Variants in MINK1 observed in about 807,000 individuals in gnomAD.
MINK1 encodes misshapen-like kinase 1.
Under a neutral mutation model 178.4 loss-of-function variants are expected in MINK1, and 46 were observed. The ratio of observed to expected loss-of-function variants is 0.26; its 90% CI spans 0.20 to 0.33. The LOEUF is 0.33. MINK1 is among the 10% of genes least tolerant of loss of function. The probability of loss-of-function intolerance (pLI) is 1.00; values close to 1 mark genes in which losing one functional copy is unlikely to be tolerated. For synonymous variants in MINK1, 797 were observed against 709.7 expected, an observed-to-expected ratio of 1.12 and a Z score of -1.96; for missense variants, 1,366 against 1,814.9, an observed-to-expected ratio of 0.75 and a Z score of 4.49.
Position 4,896,962 on chromosome 17 carries a change from G to A in MINK1, c.3915+149G>A. The stretch of plus-strand genomic sequence containing the variant: ...CAGAGGGCAGTCAGCCACTACCACT[G>A]CCCTGCGCTCCCTTCAGATTCCGAG... On this transcript the variant is annotated intron_variant, in intron 31 of 31. Coordinates refer to ENST00000355280, the MANE Select transcript of MINK1 (RefSeq NM_153827.5). The surrounding 1 kb of genome is among the most constrained non-coding windows in gnomAD (Gnocchi z 4.6). 8.9e-7 allele frequency: 1 copy of A among 1,129,262 alleles called. No homozygotes were observed. Among genetic ancestry groups the A allele is most frequent in the South Asian group, 1.7e-5 (1 of 60,298 alleles). The allele number at this position is 1,129,262 out of a possible 1,614,324, so 70.0% of individuals were successfully genotyped here.
rs376450899 is a variant in MINK1, at chr17:4,897,064, A to T, written c.3916-140A>T. 4.4e-4 allele frequency: 382 copies of T among 877,978 alleles called. 3 individuals carry two copies. The East Asian group carries it at 7.9e-3, about 18-fold the overall frequency. 54.4% of individuals were successfully genotyped at this position (877,978 alleles called of 1,614,324 possible). A position where few individuals can be genotyped will look rare whatever the true frequency, so the allele number is the denominator to read the frequency against. The stretch of plus-strand genomic sequence containing the variant: ...TCCCAGCCTGCCTTTCCTCCGGGTG[A>T]GGGGCACTGTGAGTCTCCTCCTGCA... On this transcript the variant is annotated intron_variant, in intron 31 of 31. Coordinates refer to ENST00000355280, the MANE Select transcript of MINK1 (RefSeq NM_153827.5).
chr17:4,878,374 G>A lies in MINK1; in HGVS notation c.115G>A (p.Val39Met), dbSNP rs1373441807. The change falls in exon 2 of 32, where the codon GTG (valine) becomes ATG (methionine). Residue 39 changes from valine to methionine, a missense_variant. This residue lies in a region of MINK1 where 109 missense variants were observed against 369.4 expected (regional missense o/e 0.30). Coordinates refer to ENST00000355280, the MANE Select transcript of MINK1 (RefSeq NM_153827.5). Reference sequence around the variant, plus strand: ...GGTCGGCAATGGAACCTACGGACAGGTGTACAAGGTGAGACGAATGGTGTG... The same window carrying A: ...GGTCGGCAATGGAACCTACGGACAGATGTACAAGGTGAGACGAATGGTGTG... ...EVVGNGTYGQVYKGRHVKTGQ... is the reference protein window; with the variant it reads ...EVVGNGTYGQMYKGRHVKTGQ... 6.5e-7 allele frequency: 1 copy of A among 1,536,904 alleles called. No homozygotes were observed. Among genetic ancestry groups the A allele is most frequent in the Non-Finnish European group, 8.7e-7 (1 of 1,146,606 alleles).
intron 1 of MINK1, among the ~76,000 whole-genome samples, chr17:4,842,524 C>G (rs1197515481): frequency 6.6e-6 from 1 of 152,208 alleles, no homozygotes; most frequent in African/African-American, 2.4e-5. Flanking sequence ...CAGCTTTTGT[C>G]TGCTAGCATA....
intron 1 of MINK1, among the ~76,000 whole-genome samples, chr17:4,840,686 T>C (rs1226641705): frequency 6.6e-6 from 1 of 152,132 alleles, no homozygotes; most frequent in Non-Finnish European, 1.5e-5. Flanking sequence ...TTTCTAACAT[T>C]GGATAGATAG....
chr17:4,891,946 C>T (rs1377716624), intron 16 of MINK1, among the ~76,000 whole-genome samples: 4 of 152,096 alleles, frequency 2.6e-5, no homozygotes, highest in Admixed American at 6.5e-5. Flanking sequence ...GTTTTGGGAG[C>T]GCTAAGGGGC....
At position 4,895,429 on chromosome 17, in the gene MINK1, T is replaced by C; in HGVS notation, c.3165T>C (p.Ile1055=). ...RSGQGKVYGL[I]GRRRFQQMDV... is the part of the protein sequence containing the mutation. ...GGCAGGGCAAGGTGTATGGACTCAT[T>C]GGGCGGCGACGCTTCCAGCAGATGG... Residue 1055 remains isoleucine, a synonymous_variant, in exon 26 of 32, where the codon ATT becomes ATC. Transcript: ENST00000355280. This position sits in a 1 kb window ranked among gnomAD's most constrained non-coding sequence, Gnocchi z 4.3. 1 of 1,609,080 alleles carries C rather than the reference T, an allele frequency of 6.2e-7. No homozygotes were observed. Among genetic ancestry groups the C allele is most frequent in the Non-Finnish European group, 8.5e-7 (1 of 1,177,058 alleles).
chr17:4,863,443 C>T (rs1397331104), intron 1 of MINK1, among the ~76,000 whole-genome samples: 2 of 152,046 alleles, frequency 1.3e-5, no homozygotes, highest in Non-Finnish European at 2.9e-5. Flanking sequence ...ACCTTTTTTC[C>T]TTCAATCTTG....
rs1263681529 is a variant in MINK1, at chr17:4,891,597, G to A, written c.1882G>A (p.Ala628Thr). 1 of 1,604,348 alleles carries A rather than the reference G, an allele frequency of 6.2e-7. No homozygotes were observed. Among genetic ancestry groups the A allele is most frequent in the Non-Finnish European group, 8.5e-7 (1 of 1,176,012 alleles). The change falls in exon 16 of 32, where the codon GCC (alanine) becomes ACC (threonine). Residue 628 changes from alanine (A) to threonine (T), a missense_variant. By Grantham distance (58) the Ala-to-Thr change is moderately conservative. Coordinates refer to ENST00000355280, the MANE Select transcript of MINK1 (RefSeq NM_153827.5). ...CGACCCTGCCATCCCCGCACCCACT[G>A]CCACGCCCAGTGCCCGAGGAGCTGT... ...DPDPAIPAPT[A>T]TPSARGAVIR...
chr17:4,864,052 G>C (rs1914573152), intron 1 of MINK1, among the ~76,000 whole-genome samples: 1 of 151,838 alleles, frequency 6.6e-6, no homozygotes, highest in Non-Finnish European at 1.5e-5. Context: ...GCCTCCCAAA[G>C]TGCTGGGATT....
chr17:4,894,034 G>C lies in MINK1; in HGVS notation c.2611G>C (p.Val871Leu), dbSNP rs565117311. 34 of 1,590,456 alleles carry C rather than the reference G, an allele frequency of 2.1e-5. No individual in the cohort carries two copies. In the East Asian group the frequency reaches 7.4e-4, roughly 35 times the overall value. The change falls in exon 22 of 32, where the codon GTC (valine) becomes CTC (leucine). Residue 871 changes from valine to leucine, a missense_variant. By Grantham distance (32) the Val-to-Leu change is conservative (BLOSUM62 1). Coordinates refer to ENST00000355280, the MANE Select transcript of MINK1 (RefSeq NM_153827.5). This position sits in a 1 kb window ranked among gnomAD's most constrained non-coding sequence, Gnocchi z 4.1. ...CGTCAGCACCATGGTGGTCCACGAC[G>C]TCGAGGAGATCACCGGGACCCAGCC... ...DSVSTMVVHD[V>L]EEITGTQPPY...
rs1909372949 is a variant in MINK1, at chr17:4,836,847, C to T, written c.57+3207C>T. On this transcript the variant is annotated intron_variant, in intron 1 of 31. Transcript: ENST00000355280. The surrounding 1 kb of genome is among the most constrained non-coding windows in gnomAD (Gnocchi z 4.3). Reference sequence around the variant, plus strand: ...TTATCCTTCCTCATAGTATTTATCACCAGCTGACATATATATTCCTGTCAG... The same window carrying T: ...TTATCCTTCCTCATAGTATTTATCATCAGCTGACATATATATTCCTGTCAG... Among the ~76,000 whole-genome samples the T allele has an allele frequency of 1.3e-5, 2 of 152,022 alleles. No individual in the cohort carries two copies. The highest frequency in any genetic ancestry group is 2.9e-5 in the Non-Finnish European group (2 of 68,012).
At chr17:4,865,337 G>A (rs1190430538) in intron 1 of MINK1, among the ~76,000 whole-genome samples, 2 of 152,070 alleles carry the variant, frequency 1.3e-5, no homozygotes, top group African/African-American at 4.8e-5. Flanking sequence ...GGGAGGCTGA[G>A]GCAGGAGAAT....
chr17:4,851,526 C>T (rs764503212), intron 1 of MINK1, among the ~76,000 whole-genome samples: 7 of 152,138 alleles, frequency 4.6e-5, no homozygotes, highest in Non-Finnish European at 8.8e-5. Context: ...TTCTTTGGCC[C>T]TTCTCACCCA....
In MINK1 at chr17:4,893,416, C is replaced by T. The variant is rs200109056; in HGVS notation, c.2401-18C>T. On this transcript the variant is annotated intron_variant, in intron 20 of 31. Coordinates refer to ENST00000355280, the MANE Select transcript of MINK1 (RefSeq NM_153827.5). ...AGGCCCAGCTTCTCCCTGCCCCTCACGTGGCTCCTCCCTGCAGGACTTTGT... is the reference window on the plus strand; with the variant it reads ...AGGCCCAGCTTCTCCCTGCCCCTCATGTGGCTCCTCCCTGCAGGACTTTGT... The T allele has an allele frequency of 1.3e-5, 21 of 1,599,084 alleles. No homozygotes were observed. The highest frequency in any genetic ancestry group is 3.3e-4 in the Middle Eastern group (2 of 6,048).
chr17:4,837,025 A>G (rs1355308545), intron 1 of MINK1, among the ~76,000 whole-genome samples: 1 of 152,072 alleles, frequency 6.6e-6, no homozygotes, highest in East Asian at 1.9e-4. Context: ...ACTAAAAAAA[A>G]AATACAAAAA....
chr17:4,872,174 C>CA (rs1915936209), intron 1 of MINK1, among the ~76,000 whole-genome samples: 1 of 151,480 alleles, frequency 6.6e-6, no homozygotes, highest in South Asian at 2.1e-4. Context: ...TACTAAAATA[C>CA]AAAAAATTAG....
At chr17:4,844,465 A>G (rs1910706219) in intron 1 of MINK1, 1 of 457,504 alleles carries the variant, frequency 2.2e-6, no homozygotes, top group East Asian at 6.9e-5. Context: ...TGTATGAGAG[A>G]TAGTTACTGC....
chr17:4,882,603 T>A (rs910802250), intron 4 of MINK1, among the ~76,000 whole-genome samples: 1 of 152,184 alleles, frequency 6.6e-6, no homozygotes, highest in African/African-American at 2.4e-5. Context: ...ACTTCTTCTG[T>A]GAAGGGCCAG....
chr17:4,855,190 T>TAAAA (rs151257228), intron 1 of MINK1, among the ~76,000 whole-genome samples: 8 of 130,162 alleles, frequency 6.1e-5, no homozygotes, highest in Admixed American at 1.6e-4. Flanking sequence ...ACTCCTGTCT[T>TAAAA]AAAAAAAAAA....
Sources: gnomAD v4.1 joint callset for allele counts (sites outside exome capture counted in the v4.1 genomes callset) on GRCh38, gnomAD v4.1.1 for gene constraint, gnomAD v4.1.1 regional missense constraint, Gnocchi (gnomAD v3.1) non-coding constraint, MANE v1.5 for transcripts, NCBI Gene and HGNC (gene_info 2026-07-23, HGNC 2026-07-21) for gene names.